Variants in PCDHA2 observed in about 807,000 individuals in gnomAD.
The protein encoded by PCDHA2 is protocadherin alpha 2, also known as protocadherin alpha-2.
A neutral mutation model predicts 66.0 loss-of-function variants in PCDHA2; 58 were observed. The ratio of observed to expected loss-of-function variants is 0.88; its 90% CI spans 0.71 to 1.09. PCDHA2 has a LOEUF of 1.09. Among genes scored for constraint, PCDHA2 ranks in the 50% least tolerant of loss-of-function variants. The pLI is 0.00. For synonymous variants in PCDHA2, 634 were observed against 554.0 expected (o/e 1.14, Z -2.03); for missense variants, 1,267 against 1,242.3 (o/e 1.02, Z -0.30).
At chr5:140,810,993 T>A (rs1022983940) in intron 1 of PCDHA2, 1 of 152,154 alleles carries the variant, frequency 6.6e-6, no homozygotes, top group Non-Finnish European at 1.5e-5. Context: ...GGGTCAAGAT[T>A]TATTTTTATT....
At chr5:140,835,876 G>T in intron 1 of PCDHA2, 3 of 1,611,976 alleles carry the variant, frequency 1.9e-6, no homozygotes, top group Non-Finnish European at 2.5e-6. Flanking sequence ...GTGGAGCTGC[G>T]GGTGGGCGAG....
intron 1 of PCDHA2, among the ~76,000 whole-genome samples, chr5:140,908,732 A>G (rs909800763): frequency 6.6e-6 from 1 of 152,200 alleles, no homozygotes; most frequent in African/African-American, 2.4e-5. Flanking sequence ...ATATGGCTCG[A>G]GAAACAGAGC....
chr5:140,874,039 GTGA>G (rs1372721490), intron 1 of PCDHA2, among the ~76,000 whole-genome samples: 1 of 152,152 alleles, frequency 6.6e-6, no homozygotes, highest in African/African-American at 2.4e-5. Context: ...AAGAAACTTG[GTGA>G]TGATATTAGA....
chr5:140,823,111 G>A (rs1554129147), intron 1 of PCDHA2: 3 of 1,614,060 alleles, frequency 1.9e-6, no homozygotes, highest in Non-Finnish European at 2.5e-6. Context: ...GGAAGTGGCC[G>A]ACGTGAACGA....
intron 1 of PCDHA2, chr5:140,857,553 C>A: frequency 1.3e-6 from 2 of 1,597,008 alleles, no homozygotes; most frequent in Non-Finnish European, 1.7e-6. Flanking sequence ...GGCGAGCGCT[C>A]GCTGTCGAGC....
chr5:141,007,256 G>A (rs1412168610), intron 3 of PCDHA2, among the ~76,000 whole-genome samples: 1 of 152,034 alleles, frequency 6.6e-6, no homozygotes, highest in Non-Finnish European at 1.5e-5. Flanking sequence ...CAAGTTAAAA[G>A]AAGCAGATAC....
intron 1 of PCDHA2, chr5:140,877,704 C>A: frequency 6.2e-7 from 1 of 1,613,954 alleles, no homozygotes; most frequent in Non-Finnish European, 8.5e-7. Context: ...GCTCCAGCGC[C>A]GTGGGGAGTT....
chr5:140,796,374 G>A lies in PCDHA2; in HGVS notation c.1410G>A (p.Pro470=), dbSNP rs140485421. ...TATTCGTGAAGGAGAACAACCCGCC[G>A]GGCTGCCACATCTTCACGGTGTCAG... is the stretch of plus-strand genomic sequence containing the variant. ...YTVFVKENNP[P]GCHIFTVSAW... is the part of the protein sequence containing the mutation. The change falls in exon 1 of 4, where the codon CCG becomes CCA. Residue 470 remains proline, a synonymous_variant. Coordinates refer to ENST00000526136, the MANE Select transcript of PCDHA2 (RefSeq NM_018905.3). 3,082 of 1,614,008 alleles carry A rather than the reference G, an allele frequency of 1.9e-3. 56 individuals are homozygous for A. In the African/African-American group the frequency reaches 0.036, roughly 19 times the overall value.
intron 3 of PCDHA2, among the ~76,000 whole-genome samples, chr5:140,990,715 A>T (rs927680875): frequency 1.3e-5 from 2 of 152,194 alleles, no homozygotes; most frequent in Admixed American, 6.5e-5. Flanking sequence ...GGATAAGAGC[A>T]TCACTAGGTA....
intron 3 of PCDHA2, among the ~76,000 whole-genome samples, chr5:141,003,148 GA>G (rs1554258931): frequency 1.3e-5 from 2 of 152,188 alleles, no homozygotes; most frequent in African/African-American, 4.8e-5. Flanking sequence ...CAAAGACTCT[GA>G]CCTGATCAAT....
intron 1 of PCDHA2, chr5:140,842,198 T>A: frequency 6.2e-7 from 1 of 1,613,764 alleles, no homozygotes. Flanking sequence ...TATTGACCAC[T>A]TTAGCATAGA....
chr5:140,850,440 G>A (rs2150484697), intron 1 of PCDHA2: 3 of 1,598,068 alleles, frequency 1.9e-6, no homozygotes, highest in South Asian at 1.1e-5. Flanking sequence ...GCGCCTACTG[G>A]TGCTGGTGAA....
At chr5:140,941,286 CTCTTTCTT>C (rs5871754) in intron 1 of PCDHA2, among the ~76,000 whole-genome samples, 8 of 106,846 alleles carry the variant, frequency 7.5e-5, no homozygotes, top group East Asian at 5.2e-4. Context: ...TCCTTCCTTT[CTCTTTCTT>C]TCTTTCTTTC....
At chr5:140,848,730 C>A (rs2150418805) in intron 1 of PCDHA2, 1 of 1,592,792 alleles carries the variant, frequency 6.3e-7, no homozygotes, top group Non-Finnish European at 8.6e-7. Context: ...GGAGGTAAAT[C>A]TGCAGAATGG....
intron 1 of PCDHA2, chr5:140,857,881 G>T: frequency 6.3e-7 from 1 of 1,597,760 alleles, no homozygotes; most frequent in Non-Finnish European, 8.6e-7. Context: ...ATGAATTGCA[G>T]TCGGCGGCGG....
chr5:140,843,829 G>T (rs1554140457), intron 1 of PCDHA2: 1 of 1,170,122 alleles, frequency 8.5e-7, no homozygotes, highest in African/African-American at 1.5e-5. Flanking sequence ...TTTAAACATT[G>T]TTTAGTTTTT....
At chr5:140,869,218 G>A in intron 1 of PCDHA2, 1 of 1,613,824 alleles carries the variant, frequency 6.2e-7, no homozygotes, top group Non-Finnish European at 8.5e-7. Context: ...CTCGGAGGAG[G>A]CCAAACACGG....
intron 1 of PCDHA2, chr5:140,849,923 G>A (rs145904051): frequency 6.3e-7 from 1 of 1,598,322 alleles, no homozygotes; most frequent in Middle Eastern, 1.7e-4. Context: ...ACATCTTCAC[G>A]GTGTCTGCGC....
chr5:140,884,750 A>G, intron 1 of PCDHA2: 1 of 1,431,238 alleles, frequency 7.0e-7, no homozygotes, highest in Non-Finnish European at 9.2e-7. Flanking sequence ...TGCCAATTTC[A>G]AATTATTCTT....
Sources: gnomAD v4.1 joint callset for allele counts (sites outside exome capture counted in the v4.1 genomes callset) on GRCh38, gnomAD v4.1.1 for gene constraint, MANE v1.5 for transcripts, NCBI Gene and HGNC (gene_info 2026-07-23, HGNC 2026-07-21) for gene names.